ZRANB3: variants seen among roughly 807,000 people sequenced by gnomAD.
ZRANB3 encodes zinc finger RANBP2-type containing 3, also known as DNA annealing helicase and endonuclease ZRANB3.
Under a neutral mutation model 133.8 loss-of-function variants are expected in ZRANB3, and 125 were observed. That is an observed-to-expected ratio of 0.93 (90% CI 0.81 to 1.08). ZRANB3 has a LOEUF of 1.08. Ranked by LOEUF, ZRANB3 falls within the 50% of genes least tolerant of loss-of-function variation. ZRANB3 has a pLI of 0.00. For synonymous variants in ZRANB3, 387 were observed against 432.7 expected, an observed-to-expected ratio of 0.89 and a Z score of 1.31; for missense variants, 1,229 against 1,275.5, an observed-to-expected ratio of 0.96 and a Z score of 0.56.
chr2:135,259,818 A>G (rs16831494), intron 12 of ZRANB3, among the ~76,000 whole-genome samples: 1 of 151,728 alleles, frequency 6.6e-6, no homozygotes, highest in African/African-American at 2.4e-5. Flanking sequence ...ATGCACCAAG[A>G]TTCTCTTAGG....
chr2:135,400,965 C>T (rs1687706411), intron 2 of ZRANB3, among the ~76,000 whole-genome samples: 1 of 152,064 alleles, frequency 6.6e-6, no homozygotes, highest in Non-Finnish European at 1.5e-5. Flanking sequence ...AAAATATTAC[C>T]ATAAGTATAT....
intron 19 of ZRANB3, 45 bp downstream of exon 19, chr2:135,207,389 C>T (rs780696300): frequency 1.3e-6 from 2 of 1,533,032 alleles, no homozygotes; most frequent in Non-Finnish European, 1.8e-6. Flanking sequence ...ATATTCATTA[C>T]TCAGTACAAT....
In ZRANB3 at chr2:135,471,734, A is replaced by C. The variant is rs549020695; in HGVS notation, c.161+32595T>G. On this transcript the variant is annotated intron_variant, in intron 2 of 20. Transcript: ENST00000264159. ...CAGTTTTCTCGATAGTACATCAAAC[A>C]TTCCATTTCTGAAGGGTAATGGAAA... Among the ~76,000 whole-genome samples the C allele has an allele frequency of 7.2e-5, 11 of 152,340 alleles. No individual in the cohort carries two copies. In the East Asian group the frequency reaches 1.9e-3, roughly 27 times the overall value.
At chr2:135,461,131 G>A (rs972503733) in intron 2 of ZRANB3, among the ~76,000 whole-genome samples, 2 of 152,090 alleles carry the variant, frequency 1.3e-5, no homozygotes, top group South Asian at 2.1e-4. Flanking sequence ...TTCCCCTTCC[G>A]GGTGGGTGTG....
At chr2:135,344,246 G>A (rs778822587) in intron 6 of ZRANB3, among the ~76,000 whole-genome samples, 3 of 152,128 alleles carry the variant, frequency 2.0e-5, no homozygotes, top group Non-Finnish European at 2.9e-5. Flanking sequence ...GAAGCGTTCG[G>A]CAATAGCAGA....
chr2:135,322,795 T>A (rs1049775904), intron 6 of ZRANB3, among the ~76,000 whole-genome samples: 1 of 152,098 alleles, frequency 6.6e-6, no homozygotes, highest in Non-Finnish European at 1.5e-5. Flanking sequence ...GGCAGGTGGA[T>A]CACCTGAGGT....
At chr2:135,442,160 A>G (rs901872215) in intron 2 of ZRANB3, among the ~76,000 whole-genome samples, 3 of 152,196 alleles carry the variant, frequency 2.0e-5, no homozygotes, top group Admixed American at 2.0e-4. Context: ...CTAAAACACC[A>G]AAAGCAATGG....
chr2:135,312,172 ATTTTATTTTATTTTATTTT>A (rs1558908112), intron 8 of ZRANB3, among the ~76,000 whole-genome samples: 8 of 133,306 alleles, frequency 6.0e-5, no homozygotes, highest in African/African-American at 2.4e-4. Context: ...ATTTTATTTT[ATTTTATTTTATTTTATTTT>A]TATTTTATTT....
At chr2:135,403,496 C>T (rs1687845328) in intron 2 of ZRANB3, among the ~76,000 whole-genome samples, 1 of 152,240 alleles carries the variant, frequency 6.6e-6, no homozygotes, top group Non-Finnish European at 1.5e-5. Flanking sequence ...TCAAGGAGGC[C>T]TGCCTGCCTT....
intron 1 of ZRANB3, among the ~76,000 whole-genome samples, chr2:135,520,082 C>CT (rs60682356): frequency 1.3e-3 from 186 of 143,620 alleles, no homozygotes; most frequent in African/African-American, 1.7e-3. Context: ...CACTTAAATT[C>CT]TTTTTTTTTT....
rs139162447 is a variant in ZRANB3, at chr2:135,290,542, A to G, written c.967-14787T>C. Among the ~76,000 whole-genome samples the G allele has an allele frequency of 1.9e-3, 285 of 152,316 alleles. 2 individuals carry two copies. The highest frequency in any genetic ancestry group is 6.7e-3 in the African/African-American group (277 of 41,580). On this transcript the variant is annotated intron_variant, in intron 8 of 20. Transcript: ENST00000264159. Reference sequence around the variant, plus strand: ...GCAGATACTTGGTTGATGAATTCTTATTCATTCTGCCAATCTGTAACATTT... The same window carrying G: ...GCAGATACTTGGTTGATGAATTCTTGTTCATTCTGCCAATCTGTAACATTT...
In ZRANB3 at chr2:135,425,241, A is replaced by C. The variant is rs192762424; in HGVS notation, c.162-34421T>G. Reference sequence around the variant, plus strand: ...ATAAAATCTCCAGGATGATGAGGTAAAGAAAAAAACAAAACAATAGCTACG... The same window carrying C: ...ATAAAATCTCCAGGATGATGAGGTACAGAAAAAAACAAAACAATAGCTACG... On this transcript the variant is annotated intron_variant, in intron 2 of 20. Coordinates refer to ENST00000264159, the MANE Select transcript of ZRANB3 (RefSeq NM_032143.4). 2.0e-5 allele frequency among the ~76,000 whole-genome samples: 3 copies of C among 152,324 alleles called. No individual in the cohort carries two copies. In the East Asian group the frequency reaches 5.8e-4, roughly 29 times the overall value.
chr2:135,252,100 A>G (rs936604006), intron 12 of ZRANB3, among the ~76,000 whole-genome samples: 3 of 152,204 alleles, frequency 2.0e-5, no homozygotes, highest in Non-Finnish European at 4.4e-5. Context: ...GTATGTCTTT[A>G]TCAGCAGCAT....
chr2:135,473,318 G>A (rs1691359811), intron 2 of ZRANB3, among the ~76,000 whole-genome samples: 1 of 151,976 alleles, frequency 6.6e-6, no homozygotes, highest in South Asian at 2.1e-4. Context: ...CTACCAAAAA[G>A]ACCTAAAATA....
chr2:135,297,767 C>T (rs937927412), intron 8 of ZRANB3, among the ~76,000 whole-genome samples: 1 of 152,202 alleles, frequency 6.6e-6, no homozygotes, highest in African/African-American at 2.4e-5. Context: ...AAAGCCTTGT[C>T]TTCGATCTCT....
At chr2:135,428,138 C>T (rs562274709) in intron 2 of ZRANB3, among the ~76,000 whole-genome samples, 20 of 152,122 alleles carry the variant, frequency 1.3e-4, no homozygotes, top group Non-Finnish European at 2.9e-4. Flanking sequence ...TGGACATAGG[C>T]CATGGCAAAG....
intron 1 of ZRANB3, among the ~76,000 whole-genome samples, chr2:135,506,254 G>A (rs1244783421): frequency 6.6e-6 from 1 of 152,132 alleles, no homozygotes; most frequent in Non-Finnish European, 1.5e-5. Flanking sequence ...GCTGGGTGTG[G>A]TGGCACAGGC....
intron 2 of ZRANB3, among the ~76,000 whole-genome samples, chr2:135,467,637 T>G (rs563543007): frequency 6.6e-6 from 1 of 152,316 alleles, no homozygotes; most frequent in East Asian, 1.9e-4. Context: ...GCTGGATAAT[T>G]TTTATCAGCA....
intron 6 of ZRANB3, among the ~76,000 whole-genome samples, chr2:135,330,346 T>C (rs1684075572): frequency 6.6e-6 from 1 of 152,236 alleles, no homozygotes; most frequent in Admixed American, 6.5e-5. Flanking sequence ...GTTTATGTGA[T>C]GGATTACATT....
Sources: gnomAD v4.1 joint callset for allele counts (sites outside exome capture counted in the v4.1 genomes callset) on GRCh38, gnomAD v4.1.1 for gene constraint, MANE v1.5 for transcripts, NCBI Gene and HGNC (gene_info 2026-07-23, HGNC 2026-07-21) for gene names.